CASD1: variants seen among roughly 807,000 people sequenced by gnomAD.
CASD1 encodes the protein N-acetylneuraminate (7)9-O-acetyltransferase.
Under a neutral mutation model 100.0 loss-of-function variants are expected in CASD1, and 41 were observed. The observed-to-expected ratio is 0.41, with a 90% CI of 0.32 to 0.53. CASD1 has a LOEUF of 0.53. Among genes scored for constraint, CASD1 ranks in the 20% least tolerant of loss-of-function variants. The pLI, the probability that CASD1 is intolerant of heterozygous loss-of-function variation, is 0.25. For missense variants in CASD1, 774 were observed against 948.7 expected, an observed-to-expected ratio of 0.82 and a Z score of 2.42; for synonymous variants, 321 against 315.6, an observed-to-expected ratio of 1.02 and a Z score of -0.18.
In CASD1 at chr7:94,510,173, TGCTGCTGCTCGCA is replaced by T; in HGVS notation, c.92_104del (p.Leu31ArgfsTer36). ...GCCAAGGTGCTGGCGCTGGTGGCCG[TGCTGCTGCTCGCA>T]GCGTGCCACCTCGCCTCCCGCCGCT... On this transcript the variant is annotated frameshift_variant, in exon 1 of 18. Coordinates refer to ENST00000297273, the MANE Select transcript of CASD1 (RefSeq NM_022900.5). LOFTEE classifies it high-confidence loss of function. 6.6e-7 allele frequency: 1 copy of T among 1,522,262 alleles called. No individual in the cohort carries two copies. Among genetic ancestry groups the T allele is most frequent in the Non-Finnish European group, 8.8e-7 (1 of 1,133,838 alleles). The allele number at this position is 1,522,262 out of a possible 1,614,324, so 94.3% of individuals were successfully genotyped here. A position where few individuals can be genotyped will look rare whatever the true frequency, so the allele number is the denominator to read the frequency against.
intron 10 of CASD1, among the ~76,000 whole-genome samples, chr7:94,543,558 G>A (rs1159232017): frequency 6.6e-6 from 1 of 152,036 alleles, no homozygotes; most frequent in African/African-American, 2.4e-5. Flanking sequence ...GGGAGGCTAA[G>A]GCAGGAGAAT....
At chr7:94,618,822 T>C in the CASD1 span, 1 of 1,614,056 alleles carries the variant, frequency 6.2e-7, no homozygotes, top group Non-Finnish European at 8.5e-7. Context: ...GATGTGATGT[T>C]TATGGCGTTC....
intron 9 of CASD1, among the ~76,000 whole-genome samples, chr7:94,538,209 G>T (rs567993333): frequency 5.5e-4 from 84 of 152,180 alleles, no homozygotes; most frequent in Non-Finnish European, 1.1e-3. Flanking sequence ...TTTTATAATG[G>T]TCTTCAAGCA....
At chr7:94,599,256 T>C in the CASD1 span, 2 of 310,440 alleles carry the variant, frequency 6.4e-6, no homozygotes, top group Non-Finnish European at 1.2e-5. Context: ...CTATTTATTT[T>C]CTATGATTTA....
At chr7:94,600,903 C>G in the CASD1 span, 1 of 1,454,326 alleles carries the variant, frequency 6.9e-7, no homozygotes, top group Non-Finnish European at 9.5e-7. Context: ...TCGTTGCAAA[C>G]ATTATGAGAT....
At chr7:94,580,287 C>T in the CASD1 span, among the ~76,000 whole-genome samples, 11,485 of 152,200 alleles carry the variant, frequency 0.075, 512 homozygotes, top group East Asian at 0.16. Flanking sequence ...TTTTGGCCTA[C>T]CTTGGGTCTC....
At chr7:94,535,654 A>T (rs902133485) in intron 8 of CASD1, 131 bp downstream of exon 8, 1 of 661,532 alleles carries the variant, frequency 1.5e-6, no homozygotes, top group African/African-American at 1.8e-5. Flanking sequence ...ATTGTGTATA[A>T]AGATACATCT....
chr7:94,612,187 G>T, the CASD1 span, among the ~76,000 whole-genome samples: 1 of 152,040 alleles, frequency 6.6e-6, no homozygotes, highest in South Asian at 2.1e-4. Flanking sequence ...TTTGCAATTA[G>T]TAAGATTTTT....
chr7:94,569,712 A>G, the CASD1 span, among the ~76,000 whole-genome samples: 2 of 151,660 alleles, frequency 1.3e-5, no homozygotes, highest in Non-Finnish European at 2.9e-5. Flanking sequence ...CCAAAGTACT[A>G]GGATTACAGG....
the CASD1 span, among the ~76,000 whole-genome samples, chr7:94,608,644 G>A: frequency 6.6e-6 from 1 of 152,186 alleles, no homozygotes; most frequent in African/African-American, 2.4e-5. Flanking sequence ...AACAAATTTT[G>A]AGGACTGACA....
At chr7:94,587,449 A>C in the CASD1 span, 1 of 1,192,838 alleles carries the variant, frequency 8.4e-7, no homozygotes, top group Non-Finnish European at 1.0e-6. Context: ...GCGAGATGGA[A>C]GCTACAAGGT....
chr7:94,552,315 CT>C, intron 15 of CASD1, 34 bp from the exon 16 acceptor site: 1 of 1,516,772 alleles, frequency 6.6e-7, no homozygotes, highest in Admixed American at 1.8e-5. Context: ...TCCAGACTTG[CT>C]TTTTTGAACT....
At chr7:94,554,251 T>G (rs1041423438) in intron 16 of CASD1, 1 of 342,918 alleles carries the variant, frequency 2.9e-6, no homozygotes, top group African/African-American at 2.1e-5. Flanking sequence ...AGCCATGTAC[T>G]ACTTAAAATG....
At chr7:94,522,003 G>T (rs1207133750) in intron 3 of CASD1, among the ~76,000 whole-genome samples, 1 of 152,186 alleles carries the variant, frequency 6.6e-6, no homozygotes, top group Non-Finnish European at 1.5e-5. Context: ...AGAATGGCGT[G>T]AACACGGGAG....
At chr7:94,528,605 C>G (rs978520696) in intron 5 of CASD1, among the ~76,000 whole-genome samples, 13 of 152,272 alleles carry the variant, frequency 8.5e-5, no homozygotes, top group African/African-American at 2.9e-4. Context: ...CCTTCAAACT[C>G]ATGTCCAGAT....
chr7:94,563,442 A>AT, the CASD1 span, among the ~76,000 whole-genome samples: 3 of 151,980 alleles, frequency 2.0e-5, no homozygotes, highest in Admixed American at 6.6e-5. Context: ...ACCACTTTCA[A>AT]TTTTTTTCTT....
the CASD1 span, chr7:94,630,041 T>C: frequency 2.1e-5 from 12 of 564,760 alleles, no homozygotes; most frequent in African/African-American, 1.5e-4. Context: ...AAAAATTCTT[T>C]TGATTTGTGT....
intron 5 of CASD1, among the ~76,000 whole-genome samples, chr7:94,529,993 A>G (rs576794203): frequency 5.3e-5 from 8 of 152,162 alleles, no homozygotes; most frequent in African/African-American, 1.4e-4. Context: ...AGATATTTCT[A>G]TATTCTAGGC....
At chr7:94,535,263 A>G (rs756615615) in intron 7 of CASD1, 46 bp from the exon 8 acceptor site, 18 of 1,417,278 alleles carry the variant, frequency 1.3e-5, no homozygotes, top group Middle Eastern at 2.4e-4. Context: ...ATTTTTACCA[A>G]TAGGGATTTT....
Sources: gnomAD v4.1 joint callset for allele counts (sites outside exome capture counted in the v4.1 genomes callset) on GRCh38, gnomAD v4.1.1 for gene constraint, MANE v1.5 for transcripts, NCBI Gene and HGNC (gene_info 2026-07-23, HGNC 2026-07-21) for gene names.